The following ASH1L variants were observed in gnomAD, a reference collection of about 807,000 sequenced individuals.
ASH1L encodes the protein ASH1 like histone lysine methyltransferase.
Under a neutral mutation model 269.0 loss-of-function variants are expected in ASH1L, and 23 were observed. The observed-to-expected ratio is 0.09, with a 90% CI of 0.06 to 0.12. The LOEUF (loss-of-function observed/expected upper bound fraction) is 0.12. Among genes scored for constraint, ASH1L ranks in the 10% least tolerant of loss-of-function variants. The pLI, the probability that ASH1L is intolerant of heterozygous loss-of-function variation, is 1.00. For synonymous variants in ASH1L, 1,187 were observed against 1,253.5 expected, an observed-to-expected ratio of 0.95 and a Z score of 1.12; for missense variants, 2,912 against 3,567.8, an observed-to-expected ratio of 0.82 and a Z score of 4.68.
In ASH1L at chr1:155,562,721, TC is replaced by T. The variant is rs747475088; in HGVS notation, c.-669del. On this transcript the variant is annotated 5_prime_UTR_variant, in exon 1 of 28. Transcript: ENST00000392403. ...CACCCACAGGAACCCCCTCGTCCAG[TC>T]CCTCACTACCCCTCAGGCCCTGTCA... is the stretch of plus-strand genomic sequence containing the variant. 6 of 1,396,152 alleles carry T rather than the reference TC, an allele frequency of 4.3e-6. No homozygotes were observed. Among genetic ancestry groups the T allele is most frequent in the African/African-American group, 2.9e-5 (2 of 69,426 alleles). The allele number at this position is 1,396,152 out of a possible 1,614,324, so 86.5% of individuals were successfully genotyped here. A position where few individuals can be genotyped will look rare whatever the true frequency, so the allele number is the denominator to read the frequency against.
intron 4 of ASH1L, among the ~76,000 whole-genome samples, chr1:155,448,531 C>T (rs528225424): frequency 6.6e-6 from 1 of 152,214 alleles, no homozygotes; most frequent in East Asian, 1.9e-4. Flanking sequence ...AGACTTGCTC[C>T]GTCACCCAGG....
At chr1:155,493,606 G>T (rs369403121) in intron 2 of ASH1L, among the ~76,000 whole-genome samples, 1 of 152,124 alleles carries the variant, frequency 6.6e-6, no homozygotes, top group African/African-American at 2.4e-5. Context: ...GGCGGTTCAC[G>T]CCTGTAATCC....
chr1:155,412,283 C>A (rs1659873546), intron 6 of ASH1L, among the ~76,000 whole-genome samples: 1 of 151,698 alleles, frequency 6.6e-6, no homozygotes, highest in Admixed American at 6.6e-5. Context: ...GTGACAGGTG[C>A]CTGTAATCCC....
intron 5 of ASH1L, among the ~76,000 whole-genome samples, chr1:155,426,388 A>C (rs989973041): frequency 6.6e-5 from 10 of 151,956 alleles, no homozygotes; most frequent in African/African-American, 2.4e-4. Context: ...TTTTTAGTAG[A>C]GACGGGGTTT....
rs529311439 is a variant in ASH1L at position 155,430,029 on chromosome 1, G to A, written c.5828+8298C>T. Among the ~76,000 whole-genome samples the A allele has an allele frequency of 3.4e-3, 511 of 151,682 alleles. 3 individuals are homozygous for A. Among genetic ancestry groups the A allele is most frequent in the African/African-American group, 0.012 (491 of 41,302 alleles). Reference sequence around the variant, plus strand: ...CTCACTCTGTCGCCCAGGCTGGAGCGCACTGATGCGATCTCAGCTCACTGC... The same window carrying A: ...CTCACTCTGTCGCCCAGGCTGGAGCACACTGATGCGATCTCAGCTCACTGC... On this transcript the variant is annotated intron_variant, in intron 5 of 27. Transcript: ENST00000392403.
intron 7 of ASH1L, among the ~76,000 whole-genome samples, chr1:155,390,529 C>T (rs1035946225): frequency 2.0e-4 from 30 of 151,858 alleles, no homozygotes; most frequent in African/African-American, 7.2e-4. Context: ...AAAGAAAAAA[C>T]AACTATAGAA....
In ASH1L at chr1:155,521,843, G is replaced by C. The variant is rs1411865222; in HGVS notation, c.-99-225C>G. On this transcript the variant is annotated intron_variant, in intron 1 of 27. Transcript: ENST00000392403. Reference sequence around the variant, plus strand: ...CAGATATCATAAACAAGCCATAGTGGTATGGTGCAAATGCAAATTTAAGAA... The same window carrying C: ...CAGATATCATAAACAAGCCATAGTGCTATGGTGCAAATGCAAATTTAAGAA... Among the ~76,000 whole-genome samples, 3 of 152,252 alleles carry C rather than the reference G, an allele frequency of 2.0e-5. No individual in the cohort carries two copies. In the East Asian group the frequency reaches 5.8e-4, roughly 29 times the overall value.
chr1:155,399,026 C>T (rs1468417118), intron 6 of ASH1L, among the ~76,000 whole-genome samples: 1 of 152,074 alleles, frequency 6.6e-6, no homozygotes, highest in Non-Finnish European at 1.5e-5. Flanking sequence ...AGCCATTGTG[C>T]CCAGCCTACA....
chr1:155,447,128 A>G (rs938901989), intron 4 of ASH1L, among the ~76,000 whole-genome samples: 3 of 152,088 alleles, frequency 2.0e-5, no homozygotes, highest in Admixed American at 6.5e-5. Flanking sequence ...CTTTTCCCCA[A>G]TCTTAGGGAG....
At chr1:155,383,198 G>C (rs1397023570) in intron 7 of ASH1L, among the ~76,000 whole-genome samples, 1 of 152,140 alleles carries the variant, frequency 6.6e-6, no homozygotes, top group Non-Finnish European at 1.5e-5. Context: ...AAGTAAAAAA[G>C]CTACAGAAAG....
chr1:155,442,228 T>C (rs1314729801), intron 4 of ASH1L, among the ~76,000 whole-genome samples: 3 of 152,238 alleles, frequency 2.0e-5, no homozygotes, highest in African/African-American at 7.2e-5. Context: ...AACATTGTTC[T>C]TCCTGCTTCT....
At chr1:155,358,478 G>T (rs1570987949) in intron 13 of ASH1L, among the ~76,000 whole-genome samples, 1 of 152,152 alleles carries the variant, frequency 6.6e-6, no homozygotes, top group African/African-American at 2.4e-5. Context: ...AAGGTCAGCA[G>T]ATCGAGACCA....
chr1:155,425,086 C>T (rs2148575725), intron 5 of ASH1L, among the ~76,000 whole-genome samples: 1 of 152,158 alleles, frequency 6.6e-6, no homozygotes, highest in Admixed American at 6.5e-5. Flanking sequence ...TCTCCTGCCT[C>T]AGCCTCCTCA....
intron 15 of ASH1L, among the ~76,000 whole-genome samples, 200 bp downstream of exon 15, chr1:155,357,116 C>T (rs1192562020): frequency 1.2e-5 from 1 of 86,304 alleles, no homozygotes; most frequent in African/African-American, 5.4e-5. Context: ...CACACACACA[C>T]ACAAAAGGGT....
At chr1:155,465,028 T>C (rs1156698908) in intron 3 of ASH1L, among the ~76,000 whole-genome samples, 1 of 152,148 alleles carries the variant, frequency 6.6e-6, no homozygotes, top group African/African-American at 2.4e-5. Flanking sequence ...ACAAAAAATC[T>C]TGATTGACAT....
chr1:155,427,122 C>G (rs1661216626), intron 5 of ASH1L, among the ~76,000 whole-genome samples: 2 of 144,910 alleles, frequency 1.4e-5, no homozygotes, highest in Non-Finnish European at 1.5e-5. Context: ...CAGGTATATA[C>G]TCTGATATAA....
At chr1:155,380,314 TTAAGTA>T (rs1226088843) in intron 7 of ASH1L, among the ~76,000 whole-genome samples, 198 bp from the exon 8 acceptor site, 3 of 152,170 alleles carry the variant, frequency 2.0e-5, no homozygotes, top group Non-Finnish European at 4.4e-5. Flanking sequence ...AAGATATATT[TTAAGTA>T]TAATAGTCTA....
At chr1:155,390,193 G>C (rs1262377597) in intron 7 of ASH1L, among the ~76,000 whole-genome samples, 2 of 146,910 alleles carry the variant, frequency 1.4e-5, no homozygotes, top group Admixed American at 6.9e-5. Context: ...GACTCATTAA[G>C]AGACTAATAA....
At chr1:155,411,586 A>ATATATATATAT (rs1558075618) in intron 6 of ASH1L, among the ~76,000 whole-genome samples, 69 of 55,130 alleles carry the variant, frequency 1.3e-3, no homozygotes, top group South Asian at 4.2e-3. Flanking sequence ...TAAATAAATA[A>ATATATATATAT]ATATATATAT....
Sources: gnomAD v4.1 joint callset for allele counts (sites outside exome capture counted in the v4.1 genomes callset) on GRCh38, gnomAD v4.1.1 for gene constraint, MANE v1.5 for transcripts, NCBI Gene and HGNC (gene_info 2026-07-23, HGNC 2026-07-21) for gene names.